Variants in EP400 observed in about 807,000 individuals in gnomAD.
EP400 encodes E1A binding protein p400, also known as E1A-binding protein p400.
Under a neutral mutation model 354.1 loss-of-function variants are expected in EP400, and 105 were observed. The observed-to-expected ratio is 0.30, with a 90% CI of 0.25 to 0.35. The LOEUF (loss-of-function observed/expected upper bound fraction) is 0.35. Among genes scored for constraint, EP400 ranks in the 10% least tolerant of loss-of-function variants. EP400 has a pLI of 1.00. For missense variants in EP400, 3,280 were observed against 4,121.0 expected (o/e 0.80, Z 5.59); for synonymous variants, 1,646 against 1,716.9 (o/e 0.96, Z 1.02).
intron 12 of EP400, 117 bp downstream of exon 12, chr12:131,995,073 A>G: frequency 1.0e-6 from 1 of 995,990 alleles, no homozygotes; most frequent in Non-Finnish European, 1.5e-6. Flanking sequence ...TTTATGGAAA[A>G]CAGTCCCTGT....
rs1270423522 is a variant in EP400 at position 132,044,266 on chromosome 12, G to A, written c.6540G>A (p.Glu2180=). The change falls in exon 35 of 53, where the codon GAG becomes GAA. Residue 2180 remains glutamate, a synonymous_variant. Coordinates refer to ENST00000389561, the MANE Select transcript of EP400 (RefSeq NM_015409.5). ...AGGCCCGGCTGCGGCTGGAGCAGGA[G>A]GAGGCGGAGCTCCTGACCTACACGC... The part of the protein sequence containing the change: ...EREARLRLEQ[E]EAELLTYTRE... The A allele has an allele frequency of 1.2e-6, 2 of 1,613,962 alleles. No individual in the cohort carries two copies. The highest frequency in any genetic ancestry group is 3.3e-5 in the Admixed American group (2 of 60,006).
At chr12:131,963,916 A>G (rs548893150) in intron 2 of EP400, among the ~76,000 whole-genome samples, 1 of 152,286 alleles carries the variant, frequency 6.6e-6, no homozygotes, top group South Asian at 2.1e-4. Context: ...TGTTGAATGT[A>G]TGCTCAGGAT....
intron 12 of EP400, among the ~76,000 whole-genome samples, chr12:131,997,910 T>C (rs909430561): frequency 1.1e-4 from 17 of 152,242 alleles, no homozygotes; most frequent in Admixed American, 7.2e-4. Flanking sequence ...GGACTTACTG[T>C]AGTTGAATTT....
intron 12 of EP400, among the ~76,000 whole-genome samples, chr12:132,001,793 T>G (rs552913636): frequency 6.6e-6 from 1 of 152,332 alleles, no homozygotes; most frequent in African/African-American, 2.4e-5. Context: ...TCTCCTCAGC[T>G]CCTATCTCTG....
intron 32 of EP400, among the ~76,000 whole-genome samples, chr12:132,042,415 A>G (rs1273439927): frequency 6.6e-6 from 1 of 152,186 alleles, no homozygotes; most frequent in East Asian, 1.9e-4. Flanking sequence ...CAGGGCCCAC[A>G]TCTGCCGTCT....
In EP400 at chr12:132,064,841, C is replaced by T. The variant is rs766236469; in HGVS notation, c.8508C>T (p.Ala2836=). 18 of 1,611,992 alleles carry T rather than the reference C, an allele frequency of 1.1e-5. No homozygotes were observed. In the Middle Eastern group the frequency reaches 2.4e-3, roughly 213 times the overall value. ...LTTVTAPRPG[A]LLTGTTVANL... is the part of the protein sequence containing the mutation. ...CGGTCACGGCCCCAAGGCCTGGTGC[C>T]CTGCTGACGGGCACCACCGTGGCCA... The change falls in exon 48 of 53, where the codon GCC becomes GCT. Residue 2836 remains alanine, a synonymous_variant. Transcript: ENST00000389561.
chr12:132,013,428 A>T lies in EP400; in HGVS notation c.3612-62A>T. 2 of 1,507,002 alleles carry T rather than the reference A, an allele frequency of 1.3e-6. No homozygotes were observed. The highest frequency in any genetic ancestry group is 1.8e-6 in the Non-Finnish European group (2 of 1,125,046). The allele number at this position is 1,507,002 out of a possible 1,614,324, so 93.4% of individuals were successfully genotyped here. The stretch of plus-strand genomic sequence containing the variant: ...CTTTTCTCACACATTGTCAGAGAAG[A>T]TGCTGCTGCAGCCAGCCCCGTGGCT... On this transcript the variant is annotated intron_variant, in intron 17 of 52. Coordinates refer to ENST00000389561, the MANE Select transcript of EP400 (RefSeq NM_015409.5). This position sits in a 1 kb window ranked among gnomAD's most constrained non-coding sequence, Gnocchi z 4.5.
In EP400 at chr12:132,050,945, A is replaced by G; in HGVS notation, c.7394+290A>G. On this transcript the variant is annotated intron_variant, in intron 41 of 52. Transcript: ENST00000389561. The surrounding 1 kb of genome is among the most constrained non-coding windows in gnomAD (Gnocchi z 4.8). Reference sequence around the variant, plus strand: ...GTGTGCCAGGGCCATGTGGCCAACCACAAGGGGCTTTCTTCCTCACACCCC... The same window carrying G: ...GTGTGCCAGGGCCATGTGGCCAACCGCAAGGGGCTTTCTTCCTCACACCCC... The G allele has an allele frequency of 1.9e-6, 1 of 525,740 alleles. No individual in the cohort carries two copies. The highest frequency in any genetic ancestry group is 2.2e-5 in the South Asian group (1 of 45,018). 32.6% of individuals were successfully genotyped at this position (525,740 alleles called of 1,614,324 possible).
chr12:131,958,538 G>C (rs1438902153), intron 1 of EP400, among the ~76,000 whole-genome samples: 1 of 152,218 alleles, frequency 6.6e-6, no homozygotes, highest in South Asian at 2.1e-4. Flanking sequence ...CCAAGACTTA[G>C]AAGAGCCTTA....
At chr12:132,077,294 TAGTC>T in intron 52 of EP400, 103 bp from the exon 53 acceptor site, 1 of 1,375,148 alleles carries the variant, frequency 7.3e-7, no homozygotes. Context: ...CATAAAAGCA[TAGTC>T]AGTGAAGTTT....
In EP400 at chr12:132,018,024, A is replaced by G. The variant is rs1894002433; in HGVS notation, c.4111-186A>G. On this transcript the variant is annotated intron_variant, in intron 20 of 52. Coordinates refer to ENST00000389561, the MANE Select transcript of EP400 (RefSeq NM_015409.5). The surrounding 1 kb of genome is among the most constrained non-coding windows in gnomAD (Gnocchi z 4.0). ...TAGCTGAGCATGCACGCTCATCAGC[A>G]GAGCTTCACCAAGGGTGTGGCAGCA... Among the ~76,000 whole-genome samples, 1 of 152,234 alleles carries G rather than the reference A, an allele frequency of 6.6e-6. No individual in the cohort carries two copies.
rs1242140664 is a variant in EP400, at chr12:132,079,776, G to A, written c.*2103G>A. On this transcript the variant is annotated 3_prime_UTR_variant, in exon 53 of 53. Coordinates refer to ENST00000389561, the MANE Select transcript of EP400 (RefSeq NM_015409.5). Reference sequence around the variant, plus strand: ...TCAGTGAGGGTCTCCTGTCTCTCAAGTGTGTTTCCTTTGGCTGTTCCCTAA... The same window carrying A: ...TCAGTGAGGGTCTCCTGTCTCTCAAATGTGTTTCCTTTGGCTGTTCCCTAA... 6.6e-6 allele frequency: 1 copy of A among 152,244 alleles called. No individual in the cohort carries two copies. The highest frequency in any genetic ancestry group is 1.5e-5 in the Non-Finnish European group (1 of 68,034). The allele number at this position is 152,244 out of a possible 1,614,324, so 9.4% of individuals were successfully genotyped here. A position where few individuals can be genotyped will look rare whatever the true frequency, so the allele number is the denominator to read the frequency against.
Position 132,023,625 on chromosome 12 carries a change from A to G in EP400, c.4691-152A>G, listed in dbSNP as rs920527280. ...TTTTTAATTAAAATAATTATTTTTA[A>G]GAAGTGGTAGAAAACACTACCTGAT... On this transcript the variant is annotated intron_variant, in intron 23 of 52. Transcript: ENST00000389561. The G allele has an allele frequency of 3.5e-5, 19 of 540,924 alleles. No homozygotes were observed. The Admixed American group carries it at 4.5e-4, about 13-fold the overall frequency. The allele number at this position is 540,924 out of a possible 1,614,324, so 33.5% of individuals were successfully genotyped here.
Position 131,961,840 on chromosome 12 carries a change from G to T in EP400, c.1221G>T (p.Lys407Asn). ...ACATGATGGATTTCTTAGCTTTCAA[G>T]AAGAAACATTATGCCCCATTACAAG... ...QGNMMDFLAF[K>N]KKHYAPLQAY... Residue 407 changes from lysine (K) to asparagine (N), a missense_variant, in exon 2 of 53, where the codon AAG becomes AAT. Lys to Asn is a moderately conservative substitution (Grantham distance 94). This residue lies in a region of EP400 where 800 missense variants were observed against 840.0 expected (regional missense o/e 0.95). Coordinates refer to ENST00000389561, the MANE Select transcript of EP400 (RefSeq NM_015409.5). 1.2e-5 allele frequency: 19 copies of T among 1,614,170 alleles called. No homozygotes were observed. The highest frequency in any genetic ancestry group is 1.6e-5 in the Non-Finnish European group (19 of 1,180,040).
rs912436500 is a variant in EP400, at chr12:132,013,385, G to A, written c.3612-105G>A. On this transcript the variant is annotated intron_variant, in intron 17 of 52. Transcript: ENST00000389561. The surrounding 1 kb of genome is among the most constrained non-coding windows in gnomAD (Gnocchi z 4.5). ...CAGGCATGTGCACGTTGACATTTGC[G>A]GTGTCAAATTACTGTCCCTTTTCTC... 7.7e-6 allele frequency: 11 copies of A among 1,431,850 alleles called. No homozygotes were observed. In the East Asian group the frequency reaches 9.2e-5, roughly 12 times the overall value. 88.7% of individuals were successfully genotyped at this position (1,431,850 alleles called of 1,614,324 possible). A position where few individuals can be genotyped will look rare whatever the true frequency, so the allele number is the denominator to read the frequency against.
intron 12 of EP400, among the ~76,000 whole-genome samples, chr12:132,004,520 TTCA>T (rs1419189616): frequency 1.3e-4 from 20 of 152,354 alleles, no homozygotes; most frequent in African/African-American, 4.1e-4. Flanking sequence ...ATATATCATC[TTCA>T]TCAGTTATTT....
At chr12:131,988,489 G>A (rs1227246733) in intron 7 of EP400, among the ~76,000 whole-genome samples, 1 of 152,192 alleles carries the variant, frequency 6.6e-6, no homozygotes, top group Non-Finnish European at 1.5e-5. Context: ...GGGACAGCAA[G>A]GGGCTGTCCT....
At chr12:131,966,730 T>A (rs922418158) in intron 2 of EP400, among the ~76,000 whole-genome samples, 6 of 146,378 alleles carry the variant, frequency 4.1e-5, no homozygotes, top group Non-Finnish European at 9.1e-5. Context: ...ATGGTGAAAC[T>A]CCATCTCTAC....
Position 132,044,225 on chromosome 12 carries a change from A to T in EP400, c.6499A>T (p.Thr2167Ser). 1 of 1,614,178 alleles carries T rather than the reference A, an allele frequency of 6.2e-7. No individual in the cohort carries two copies. Among genetic ancestry groups the T allele is most frequent in the Non-Finnish European group, 8.5e-7 (1 of 1,180,034 alleles). ...GGCATGGGAGTTCTGGAACCTGAAG[A>T]CCCTGCAGGAGAGGGAGGCCCGGCT... ...VRAWEFWNLK[T>S]LQEREARLRL... is the part of the protein sequence containing the mutation. The change falls in exon 35 of 53, where the codon ACC (threonine) becomes TCC (serine). Residue 2167 changes from threonine (T) to serine (S), a missense_variant. Coordinates refer to ENST00000389561, the MANE Select transcript of EP400 (RefSeq NM_015409.5).
Sources: gnomAD v4.1 joint callset for allele counts (sites outside exome capture counted in the v4.1 genomes callset) on GRCh38, gnomAD v4.1.1 for gene constraint, gnomAD v4.1.1 regional missense constraint, Gnocchi (gnomAD v3.1) non-coding constraint, MANE v1.5 for transcripts, NCBI Gene and HGNC (gene_info 2026-07-23, HGNC 2026-07-21) for gene names.